Variants in ADARB2 observed in about 807,000 individuals in gnomAD.
ADARB2 encodes adenosine deaminase RNA specific B2 (inactive).
A neutral mutation model predicts 62.2 loss-of-function variants in ADARB2; 25 were observed. The ratio of observed to expected loss-of-function variants is 0.40; its 90% CI spans 0.29 to 0.56. The LOEUF is 0.56. Among genes scored for constraint, ADARB2 ranks in the 20% least tolerant of loss-of-function variants. The pLI, the probability that ADARB2 is intolerant of heterozygous loss-of-function variation, is 0.43. For missense variants in ADARB2, 1,071 were observed against 1,077.4 expected, an observed-to-expected ratio of 0.99 and a Z score of 0.08; for synonymous variants, 572 against 500.8, an observed-to-expected ratio of 1.14 and a Z score of -1.90.
chr10:1,540,866 T>C (rs372594904), intron 1 of ADARB2, among the ~76,000 whole-genome samples: 23 of 38,894 alleles, frequency 5.9e-4, no homozygotes, highest in African/African-American at 2.0e-3. Context: ...CACTCAGACG[T>C]AGTTCAGACC....
intron 1 of ADARB2, 121 bp downstream of exon 1, chr10:1,736,930 C>G: frequency 1.0e-6 from 1 of 1,003,198 alleles, no homozygotes; most frequent in Non-Finnish European, 1.5e-6. Context: ...GAGCAGCCAT[C>G]CCGCCAGCAC....
intron 1 of ADARB2, among the ~76,000 whole-genome samples, chr10:1,668,865 CAGG>C (rs879419788): frequency 5.4e-4 from 82 of 152,204 alleles, no homozygotes; most frequent in Non-Finnish European, 2.2e-4. Flanking sequence ...CTGTTACATC[CAGG>C]AGGACCATCT....
chr10:1,703,648 T>G (rs978824608), intron 1 of ADARB2, among the ~76,000 whole-genome samples: 1 of 152,234 alleles, frequency 6.6e-6, no homozygotes, highest in African/African-American at 2.4e-5. Flanking sequence ...ATAATAATCT[T>G]AAAATGATTA....
intron 1 of ADARB2, among the ~76,000 whole-genome samples, chr10:1,384,894 G>T (rs1832513032): frequency 6.6e-6 from 1 of 152,142 alleles, no homozygotes. Context: ...CCTGCGAGCT[G>T]AATGAAAATT....
intron 3 of ADARB2, among the ~76,000 whole-genome samples, chr10:1,304,180 A>G (rs1831603504): frequency 6.6e-6 from 1 of 152,296 alleles, no homozygotes; most frequent in Admixed American, 6.5e-5. Flanking sequence ...ATGGAGGAAG[A>G]TCTACCAAGC....
At chr10:1,544,819 T>C (rs972257039) in intron 1 of ADARB2, among the ~76,000 whole-genome samples, 1 of 152,160 alleles carries the variant, frequency 6.6e-6, no homozygotes, top group African/African-American at 2.4e-5. Context: ...AGGGTGTATA[T>C]GATATGTAAA....
At chr10:1,416,198 C>T (rs1024088772) in intron 1 of ADARB2, among the ~76,000 whole-genome samples, 2 of 152,218 alleles carry the variant, frequency 1.3e-5, no homozygotes, top group Admixed American at 6.5e-5. Context: ...TATTCATAAA[C>T]ACTTATTCAC....
At chr10:1,532,263 A>C (rs932513662) in intron 1 of ADARB2, among the ~76,000 whole-genome samples, 2 of 152,158 alleles carry the variant, frequency 1.3e-5, no homozygotes, top group Admixed American at 1.3e-4. Flanking sequence ...TGAAGACATA[A>C]TGTCTATCTC....
In ADARB2 at chr10:1,183,266, G is replaced by C; in HGVS notation, c.2147C>G (p.Ala716Gly). 1 of 1,614,140 alleles carries C rather than the reference G, an allele frequency of 6.2e-7. No individual in the cohort carries two copies. The highest frequency in any genetic ancestry group is 8.5e-7 in the Non-Finnish European group (1 of 1,180,034). The change falls in exon 10 of 10, where the codon GCC (alanine) becomes GGC (glycine). Residue 716 changes from alanine (A) to glycine (G), a missense_variant. Physicochemically the swap from Ala to Gly is moderately conservative, Grantham distance 60 (BLOSUM62 0). Transcript: ENST00000381312. Reference sequence around the variant, plus strand: ...GGTGCCCAGGCCAGCCTTCTGAAAGGCCTTGAACAGCTGCTGTTTCACAGA... The same window carrying C: ...GGTGCCCAGGCCAGCCTTCTGAAAGCCCTTGAACAGCTGCTGTTTCACAGA... ...YQSVKQQLFK[A>G]FQKAGLGTWV...
chr10:1,272,850 G>A (rs4880495), intron 3 of ADARB2, among the ~76,000 whole-genome samples: 38,089 of 152,170 alleles, frequency 0.25, 5,997 homozygotes, highest in South Asian at 0.5. Context: ...AAACAACAGG[G>A]ATTCATCCCC....
chr10:1,438,502 AGG>A (rs1564289101), intron 1 of ADARB2, among the ~76,000 whole-genome samples: 8 of 119,234 alleles, frequency 6.7e-5, no homozygotes, highest in Admixed American at 9.2e-5. Context: ...GAGTCTCCCC[AGG>A]ACAGAGGCAG....
chr10:1,180,361 G>C lies in ADARB2; in HGVS notation c.*2832C>G, dbSNP rs561526296. The stretch of plus-strand genomic sequence containing the variant: ...GTCTTCCAGGCACACCTGGGGCTGT[G>C]GGAATCCTGGGACTCGGCCCCCCCA... On this transcript the variant is annotated 3_prime_UTR_variant, in exon 10 of 10. Transcript: ENST00000381312. 5 of 151,594 alleles carry C rather than the reference G, an allele frequency of 3.3e-5. 1 individual carries two copies. In the South Asian group the frequency reaches 1.0e-3, roughly 32 times the overall value. 9.4% of individuals were successfully genotyped at this position (151,594 alleles called of 1,614,324 possible).
chr10:1,728,653 T>C (rs146758727), intron 1 of ADARB2, among the ~76,000 whole-genome samples: 3,094 of 152,290 alleles, frequency 0.02, 49 homozygotes, highest in Middle Eastern at 0.044. Context: ...ACTCAGGTGA[T>C]TACATAAAAT....
chr10:1,310,099 T>C (rs1431715661), intron 3 of ADARB2, among the ~76,000 whole-genome samples: 1 of 152,246 alleles, frequency 6.6e-6, no homozygotes, highest in African/African-American at 2.4e-5. Context: ...AAAGTCTCTA[T>C]GATTTCCTGC....
chr10:1,401,410 T>C (rs1832661463), intron 1 of ADARB2, among the ~76,000 whole-genome samples: 1 of 152,082 alleles, frequency 6.6e-6, no homozygotes, highest in Non-Finnish European at 1.5e-5. Context: ...GACAGCTGGG[T>C]TCTGGGGTTT....
intron 1 of ADARB2, among the ~76,000 whole-genome samples, chr10:1,441,956 G>T (rs1452802685): frequency 1.3e-5 from 2 of 152,090 alleles, no homozygotes; most frequent in Non-Finnish European, 2.9e-5. Context: ...TCAACACCCT[G>T]GTCCCAATTA....
chr10:1,678,388 G>A (rs1834495289), intron 1 of ADARB2: 1 of 965,304 alleles, frequency 1.0e-6, no homozygotes, highest in Non-Finnish European at 1.2e-6. Context: ...CTCGGGCTGA[G>A]TGTCCTTGGG....
chr10:1,305,131 T>G (rs1367882470), intron 3 of ADARB2, among the ~76,000 whole-genome samples: 147 of 141,860 alleles, frequency 1.0e-3, no homozygotes, highest in East Asian at 4.7e-3. Flanking sequence ...TTTGAAAGGA[T>G]CAACAAAATT....
chr10:1,510,237 G>A lies in ADARB2; in HGVS notation c.101-131077C>T, dbSNP rs145938603. ...GCTCTGTTGCCCAGGCTGGAGTGCA[G>A]TGGCACAATCTCGGCTCACTGCAGC... is the stretch of plus-strand genomic sequence containing the variant. On this transcript the variant is annotated intron_variant, in intron 1 of 9. Coordinates refer to ENST00000381312, the MANE Select transcript of ADARB2 (RefSeq NM_018702.4). Among the ~76,000 whole-genome samples the A allele has an allele frequency of 8.0e-5, 12 of 150,740 alleles. No homozygotes were observed. The East Asian group carries it at 2.4e-3, about 30-fold the overall frequency.
Sources: gnomAD v4.1 joint callset for allele counts (sites outside exome capture counted in the v4.1 genomes callset) on GRCh38, gnomAD v4.1.1 for gene constraint, MANE v1.5 for transcripts, NCBI Gene and HGNC (gene_info 2026-07-23, HGNC 2026-07-21) for gene names.